PIAS2: variants seen among roughly 807,000 people sequenced by gnomAD.
The protein encoded by PIAS2 is protein inhibitor of activated STAT 2, also known as E3 SUMO-protein ligase PIAS2.
A neutral mutation model predicts 69.7 loss-of-function variants in PIAS2; 19 were observed. The observed-to-expected ratio is 0.27, with a 90% CI of 0.19 to 0.40. The LOEUF is 0.40. Ranked by LOEUF, PIAS2 falls within the 10% of genes least tolerant of loss-of-function variation. PIAS2 has a pLI of 1.00. For missense variants in PIAS2, 624 were observed against 757.0 expected (o/e 0.82, Z 2.06); for synonymous variants, 261 against 263.2 (o/e 0.99, Z 0.08).
chr18:46,810,589 C>A lies in PIAS2; in HGVS notation c.*1844G>T, dbSNP rs544833656. 6.6e-6 allele frequency: 1 copy of A among 151,996 alleles called. No homozygotes were observed. Among genetic ancestry groups the A allele is most frequent in the Non-Finnish European group, 1.5e-5 (1 of 68,008 alleles). The allele number at this position is 151,996 out of a possible 1,614,324, so 9.4% of individuals were successfully genotyped here. The stretch of plus-strand genomic sequence containing the variant: ...TCGTAGATTTGGGTTTGTTTCCCCC[C>A]CAACATCTTTAAAATAAGCAGCCCC... On this transcript the variant is annotated 3_prime_UTR_variant, in exon 14 of 14. Coordinates refer to ENST00000585916, the MANE Select transcript of PIAS2 (RefSeq NM_004671.5).
At chr18:46,826,548 C>T (rs548109584) in intron 11 of PIAS2, among the ~76,000 whole-genome samples, 1 of 152,352 alleles carries the variant, frequency 6.6e-6, no homozygotes, top group South Asian at 2.1e-4. Flanking sequence ...AGAAACATCA[C>T]ATCTAAGCAT....
rs1283615265 is a variant in PIAS2, at chr18:46,846,690, A to G, written c.861+17T>C. Reference sequence around the variant, plus strand: ...AGTGGGGTCACTGTCCTGCTACCCAAAACGGAGAGCTTTTACCTTCCCAAT... The same window carrying G: ...AGTGGGGTCACTGTCCTGCTACCCAGAACGGAGAGCTTTTACCTTCCCAAT... On this transcript the variant is annotated intron_variant, in intron 6 of 13. Coordinates refer to ENST00000585916, the MANE Select transcript of PIAS2 (RefSeq NM_004671.5). 6.2e-7 allele frequency: 1 copy of G among 1,605,204 alleles called. No individual in the cohort carries two copies. The highest frequency in any genetic ancestry group is 2.2e-5 in the East Asian group (1 of 44,558).
At chr18:46,844,913 T>A (rs981081480) in intron 6 of PIAS2, 74 bp from the exon 7 acceptor site, 7 of 563,508 alleles carry the variant, frequency 1.2e-5, no homozygotes, top group Non-Finnish European at 2.1e-5. Context: ...AATACTTATT[T>A]AAGAAACTCT....
upstream of PIAS2, among the ~76,000 whole-genome samples, chr18:46,919,233 T>G (rs1161977318): frequency 6.6e-6 from 1 of 151,884 alleles, no homozygotes. Flanking sequence ...ACGCTCTAAA[T>G]TCCAGCACTT....
intron 2 of PIAS2, among the ~76,000 whole-genome samples, chr18:46,867,214 A>AT (rs2049622406): frequency 6.6e-6 from 1 of 152,060 alleles, no homozygotes. Flanking sequence ...TTGCTGTCAA[A>AT]TTTTCAATCC....
In PIAS2 at chr18:46,828,120, G is replaced by A; in HGVS notation, c.1347C>T (p.Val449=). The part of the protein sequence containing the change: ...QPCTKIESSS[V]LSKPCSVTVA... ...CAGTCACTGAACAAGGCTTACTGAG[G>A]ACGCTTGAACCTGCATGTAAAGAAA... Residue 449 remains valine, a synonymous_variant, in exon 11 of 14, where the codon GTC becomes GTT. Transcript: ENST00000585916. 1 of 1,605,502 alleles carries A rather than the reference G, an allele frequency of 6.2e-7. No homozygotes were observed. The highest frequency in any genetic ancestry group is 8.5e-7 in the Non-Finnish European group (1 of 1,176,082).
rs2061181447 is a variant in PIAS2, at chr18:46,811,843, T to A, written c.*590A>T. 1 of 152,200 alleles carries A rather than the reference T, an allele frequency of 6.6e-6. No homozygotes were observed. The highest frequency in any genetic ancestry group is 1.5e-5 in the Non-Finnish European group (1 of 68,048). The allele number at this position is 152,200 out of a possible 1,614,324, so 9.4% of individuals were successfully genotyped here. On this transcript the variant is annotated 3_prime_UTR_variant, in exon 14 of 14. Transcript: ENST00000585916. The stretch of plus-strand genomic sequence containing the variant: ...AACCAAGTAACACGAATGCCATTTT[T>A]CTTTGATGCAATCACGAAGAAAAGT...
intron 5 of PIAS2, among the ~76,000 whole-genome samples, chr18:46,848,478 T>C (rs1300738782): frequency 6.6e-6 from 1 of 152,164 alleles, no homozygotes; most frequent in Non-Finnish European, 1.5e-5. Flanking sequence ...AAGACACTTC[T>C]GGATTTCGGC....
chr18:46,870,103 C>T (rs1220533125), intron 2 of PIAS2, among the ~76,000 whole-genome samples: 6 of 152,214 alleles, frequency 3.9e-5, no homozygotes, highest in South Asian at 2.1e-4. Context: ...CCCAATGCCC[C>T]GTGCCCTCCC....
chr18:46,888,026 C>T (rs1053110589), intron 2 of PIAS2, among the ~76,000 whole-genome samples: 3 of 151,910 alleles, frequency 2.0e-5, no homozygotes, highest in Non-Finnish European at 4.4e-5. Context: ...TAGCAGAATA[C>T]AAAGTCAACA....
chr18:46,838,709 A>G (rs115857693), intron 8 of PIAS2, among the ~76,000 whole-genome samples: 4,036 of 152,316 alleles, frequency 0.026, 168 homozygotes, highest in African/African-American at 0.093. Context: ...TAAAATCTTC[A>G]TAACTCTATG....
intron 2 of PIAS2, among the ~76,000 whole-genome samples, chr18:46,884,120 AT>A (rs2052738890): frequency 1.3e-5 from 2 of 152,186 alleles, no homozygotes; most frequent in Admixed American, 1.3e-4. Flanking sequence ...CAGGATAGTG[AT>A]TTAACTCAGA....
intron 2 of PIAS2, among the ~76,000 whole-genome samples, chr18:46,890,277 G>A (rs912652869): frequency 3.3e-5 from 5 of 152,164 alleles, no homozygotes; most frequent in African/African-American, 1.2e-4. Flanking sequence ...AGTGATGGCT[G>A]CACAACATTA....
chr18:46,835,682 A>G (rs1394431159), intron 9 of PIAS2, among the ~76,000 whole-genome samples: 2 of 152,230 alleles, frequency 1.3e-5, no homozygotes, highest in Non-Finnish European at 2.9e-5. Flanking sequence ...ATATTAATAT[A>G]AATCATTACA....
Position 46,815,342 on chromosome 18 carries a change from A to G in PIAS2, c.1656T>C (p.Asp552=), listed in dbSNP as rs2041395191. Residue 552 remains aspartate, a synonymous_variant, in exon 13 of 14, where the codon GAT becomes GAC. Transcript: ENST00000585916. ...GATCAACTGGAATAAGGGAAAGAAA[A>G]TCCAAACCTAAAACAAAAATGCTTT... is the stretch of plus-strand genomic sequence containing the variant. ...SSMSSDLPGL[D]FLSLIPVDPQ... is the part of the protein sequence containing the mutation. 6.2e-7 allele frequency: 1 copy of G among 1,612,104 alleles called. No individual in the cohort carries two copies. The highest frequency in any genetic ancestry group is 8.5e-7 in the Non-Finnish European group (1 of 1,178,734).
intron 2 of PIAS2, among the ~76,000 whole-genome samples, chr18:46,877,691 C>T (rs184479125): frequency 3.9e-5 from 6 of 152,218 alleles, no homozygotes; most frequent in African/African-American, 9.6e-5. Flanking sequence ...AATGGGGACA[C>T]GACACAGAAC....
At chr18:46,915,391 G>A (rs1361194596) in intron 1 of PIAS2, 2 of 152,204 alleles carry the variant, frequency 1.3e-5, no homozygotes, top group Non-Finnish European at 2.9e-5. Context: ...GGTCTGCACA[G>A]AGCAGTTAAG....
chr18:46,874,667 T>C (rs1295035617), intron 2 of PIAS2, among the ~76,000 whole-genome samples: 1 of 152,180 alleles, frequency 6.6e-6, no homozygotes. Flanking sequence ...CTATACGGGT[T>C]GCCTTATTTA....
intron 2 of PIAS2, among the ~76,000 whole-genome samples, chr18:46,874,701 G>T (rs762666277): frequency 1.3e-5 from 2 of 152,056 alleles, no homozygotes; most frequent in African/African-American, 2.4e-5. Context: ...ACATTCCTAC[G>T]TTTGAAACTA....
Sources: allele counts gnomAD v4.1 joint callset (sites outside exome capture counted in the v4.1 genomes callset), GRCh38; gene constraint gnomAD v4.1.1; transcripts MANE v1.5; gene names NCBI Gene and HGNC (gene_info 2026-07-23, HGNC 2026-07-21).